Variants in PLXNA4 observed in about 807,000 individuals in gnomAD.
The protein encoded by PLXNA4 is plexin-A4.
PLXNA4 carries 44 observed loss-of-function variants against 191.8 expected under a neutral mutation model. The ratio of observed to expected loss-of-function variants is 0.23; its 90% confidence interval spans 0.18 to 0.29. The LOEUF is 0.29. Ranked by LOEUF, PLXNA4 falls within the 10% of genes least tolerant of loss-of-function variation. The pLI, the probability that PLXNA4 is intolerant of heterozygous loss-of-function variation, is 1.00. For synonymous variants in PLXNA4, 1,082 were observed against 1,009.5 expected, an observed-to-expected ratio of 1.07 and a Z score of -1.36; for missense variants, 1,800 against 2,488.8, an observed-to-expected ratio of 0.72 and a Z score of 5.89.
chr7:132,132,859 T>G (rs983552773), intron 31 of PLXNA4, among the ~76,000 whole-genome samples, 190 bp downstream of exon 31: 1 of 152,184 alleles, frequency 6.6e-6, no homozygotes, highest in African/African-American at 2.4e-5. Context: ...CAGGGATGAA[T>G]GCAGAATTTA....
At chr7:132,439,639 C>G (rs1369686943) in intron 3 of PLXNA4, among the ~76,000 whole-genome samples, 2 of 152,136 alleles carry the variant, frequency 1.3e-5, no homozygotes, top group African/African-American at 2.4e-5. Context: ...CTTTTGGAAC[C>G]AAAACATTTG....
chr7:132,218,093 G>C (rs1333912878), intron 9 of PLXNA4, among the ~76,000 whole-genome samples: 2 of 152,000 alleles, frequency 1.3e-5, no homozygotes, highest in Non-Finnish European at 2.9e-5. Flanking sequence ...TCCTGTCTCA[G>C]GGCATGGGGC....
intron 3 of PLXNA4, among the ~76,000 whole-genome samples, chr7:132,487,903 C>T (rs1030673016): frequency 5.9e-5 from 9 of 152,196 alleles, no homozygotes; most frequent in Admixed American, 3.3e-4. Context: ...CTTCACAGAA[C>T]GGAGGTATGA....
At chr7:132,583,651 G>C (rs1802450351) in intron 2 of PLXNA4, among the ~76,000 whole-genome samples, 1 of 152,204 alleles carries the variant, frequency 6.6e-6, no homozygotes, top group Non-Finnish European at 1.5e-5. Flanking sequence ...CAGTGCTTAG[G>C]CCCAAGGTGA....
chr7:132,171,019 G>A (rs926680755), intron 21 of PLXNA4, among the ~76,000 whole-genome samples: 9 of 152,112 alleles, frequency 5.9e-5, no homozygotes, highest in African/African-American at 2.2e-4. Context: ...CCCCACCACT[G>A]GGGGCTGATG....
In PLXNA4 at chr7:132,627,594, T is replaced by G. The variant is rs573095147; in HGVS notation, c.-87+18334A>C. Among the ~76,000 whole-genome samples the G allele has an allele frequency of 1.1e-4, 16 of 152,336 alleles. 1 individual carries two copies. Among genetic ancestry groups the G allele is most frequent in the African/African-American group, 3.6e-4 (15 of 41,578 alleles). ...TCAATGTGACAGTATTAAGAGAAAG[T>G]GATTAGGTCACGAGGGCTCCACACT... On this transcript the variant is annotated intron_variant, in intron 2 of 4. Coordinates refer to the PLXNA4 transcript ENST00000378539.
At chr7:132,420,486 C>T (rs1794811808) in intron 3 of PLXNA4, among the ~76,000 whole-genome samples, 1 of 152,214 alleles carries the variant, frequency 6.6e-6, no homozygotes, top group South Asian at 2.1e-4. Flanking sequence ...CCTCAGCTAA[C>T]TAAAGCCACA....
Position 132,124,943 on chromosome 7 carries a change from G to GTAT in PLXNA4, c.*5533_*5535dup. ...ATTTAATCGGGATCCTAATGAGTAT[G>GTAT]TATTTCTCTTACAACCAAAAAATTC... is the stretch of plus-strand genomic sequence containing the variant. On this transcript the variant is annotated 3_prime_UTR_variant, in exon 32 of 32. Coordinates refer to ENST00000321063, the MANE Select transcript of PLXNA4 (RefSeq NM_020911.2). 6.6e-6 allele frequency: 1 copy of GTAT among 151,942 alleles called. No individual in the cohort carries two copies. The highest frequency in any genetic ancestry group is 6.6e-5 in the Admixed American group (1 of 15,260). The allele number at this position is 151,942 out of a possible 1,614,324, so 9.4% of individuals were successfully genotyped here.
At chr7:132,321,345 G>A (rs114025553) in intron 3 of PLXNA4, among the ~76,000 whole-genome samples, 1,552 of 151,832 alleles carry the variant, frequency 0.01, 42 homozygotes, top group African/African-American at 0.036. Flanking sequence ...TTACCCTAGC[G>A]TGTCTGTGTT....
At chr7:132,507,369 A>C in intron 2 of PLXNA4, 137 bp downstream of exon 2, 1 of 950,026 alleles carries the variant, frequency 1.1e-6, no homozygotes, top group Non-Finnish European at 1.5e-6. Flanking sequence ...GGGTCCAATG[A>C]GACTCAGAGA....
At chr7:132,421,659 G>A (rs1794854883) in intron 3 of PLXNA4, among the ~76,000 whole-genome samples, 1 of 151,568 alleles carries the variant, frequency 6.6e-6, no homozygotes, top group Non-Finnish European at 1.5e-5. Context: ...GAAGAAATAA[G>A]ATGAAAGATA....
chr7:132,409,672 G>C (rs1428107056), intron 3 of PLXNA4, among the ~76,000 whole-genome samples: 2 of 152,142 alleles, frequency 1.3e-5, no homozygotes, highest in East Asian at 3.9e-4. Context: ...TCTCTCCCCT[G>C]GACTTTGGCC....
chr7:132,154,346 A>G (rs1054050390), intron 25 of PLXNA4, among the ~76,000 whole-genome samples: 1 of 151,438 alleles, frequency 6.6e-6, no homozygotes, highest in Non-Finnish European at 1.5e-5. Context: ...AGAAGATCAG[A>G]GTGTATCTGC....
intron 2 of PLXNA4, among the ~76,000 whole-genome samples, chr7:132,642,438 G>C (rs1803761766): frequency 6.6e-6 from 1 of 151,936 alleles, no homozygotes; most frequent in Non-Finnish European, 1.5e-5. Context: ...TTGCCCTTAA[G>C]AAAGAATTTC....
Position 132,210,926 on chromosome 7 carries a change from A to T in PLXNA4, c.2298+17T>A, listed in dbSNP as rs2116900561. 1 of 1,605,866 alleles carries T rather than the reference A, an allele frequency of 6.2e-7. No homozygotes were observed. The highest frequency in any genetic ancestry group is 2.2e-5 in the East Asian group (1 of 44,658). On this transcript the variant is annotated intron_variant, in intron 10 of 31. Coordinates refer to ENST00000321063, the MANE Select transcript of PLXNA4 (RefSeq NM_020911.2). The stretch of plus-strand genomic sequence containing the variant: ...ACTGGGGCCTGGTTTGGCAGTGGGC[A>T]GGGTTGGGCGACTCACAGAGGTGTT...
At chr7:132,138,845 C>T (rs1795186581) in intron 30 of PLXNA4, among the ~76,000 whole-genome samples, 1 of 152,228 alleles carries the variant, frequency 6.6e-6, no homozygotes, top group African/African-American at 2.4e-5. Context: ...GCAGCCTGTT[C>T]CTGGGAAGTG....
Position 132,527,251 on chromosome 7 carries a change from C to T in PLXNA4, c.-86-18472G>A, listed in dbSNP as rs554301422. Among the ~76,000 whole-genome samples the T allele has an allele frequency of 1.0e-3, 155 of 152,196 alleles. 1 individual carries two copies. The highest frequency in any genetic ancestry group is 3.6e-3 in the African/African-American group (148 of 41,506). ...GGACCTCAGCACCTCCTCAAGTAGA[C>T]GTTCTTCCTCCATTGCCAAGTCTAG... is the stretch of plus-strand genomic sequence containing the variant. On this transcript the variant is annotated intron_variant, in intron 1 of 31. Transcript: ENST00000321063.
At chr7:132,551,985 AG>A (rs1188143262) in intron 1 of PLXNA4, among the ~76,000 whole-genome samples, 1 of 151,994 alleles carries the variant, frequency 6.6e-6, no homozygotes, top group Non-Finnish European at 1.5e-5. Context: ...GCCAGGTTGA[AG>A]GGGGTGGGGG....
At chr7:132,351,995 T>A (rs750220432) in intron 3 of PLXNA4, among the ~76,000 whole-genome samples, 3 of 152,096 alleles carry the variant, frequency 2.0e-5, no homozygotes, top group Non-Finnish European at 4.4e-5. Flanking sequence ...ACTTACAGAG[T>A]GCTATTTTAA....
Sources: allele counts gnomAD v4.1 joint callset (sites outside exome capture counted in the v4.1 genomes callset), GRCh38; gene constraint gnomAD v4.1.1; transcripts MANE v1.5; gene names NCBI Gene and HGNC (gene_info 2026-07-23, HGNC 2026-07-21).